The following TFRC variants were observed in gnomAD, a reference collection of about 807,000 sequenced individuals.
TFRC encodes transferrin receptor protein 1.
A neutral mutation model predicts 85.8 loss-of-function variants in TFRC; 35 were observed. The observed-to-expected ratio is 0.41, with a 90% confidence interval of 0.31 to 0.54. The LOEUF (loss-of-function observed/expected upper bound fraction) is 0.54. TFRC is among the 20% of genes least tolerant of loss of function. The probability of loss-of-function intolerance (pLI) is 0.31; values close to 1 mark genes in which losing one functional copy is unlikely to be tolerated. For synonymous variants in TFRC, 362 were observed against 328.6 expected (o/e 1.10, Z -1.10); for missense variants, 828 against 921.5 (o/e 0.90, Z 1.31).
chr3:196,055,021 C>A (rs1716651871), intron 17 of TFRC, 59 bp downstream of exon 17: 1 of 1,516,178 alleles, frequency 6.6e-7, no homozygotes, highest in Non-Finnish European at 9.1e-7. Context: ...AGGAACACAT[C>A]ACATTTCAAA....
At chr3:196,056,539 A>G (rs1370163135) in intron 16 of TFRC, among the ~76,000 whole-genome samples, 1 of 151,992 alleles carries the variant, frequency 6.6e-6, no homozygotes, top group African/African-American at 2.4e-5. Context: ...AGCTGGGATT[A>G]TAGGCATGTG....
chr3:196,053,404 A>G lies in TFRC; in HGVS notation c.2040+14T>C. The G allele has an allele frequency of 6.2e-7, 1 of 1,614,046 alleles. No homozygotes were observed. Among genetic ancestry groups the G allele is most frequent in the Non-Finnish European group, 8.5e-7 (1 of 1,179,926 alleles). ...CACATACTTTAGTTCCTCCTTTCCC[A>G]AAAGTTCACTTACTCTCATGACACG... On this transcript the variant is annotated intron_variant, in intron 18 of 18. Coordinates refer to ENST00000360110, the MANE Select transcript of TFRC (RefSeq NM_001128148.3).
chr3:196,055,203 C>T lies in TFRC; in HGVS notation c.1776G>A (p.Glu592=), dbSNP rs751145316. The stretch of plus-strand genomic sequence containing the variant: ...GTTTAATCACGAACTGACCAGCGAC[C>T]TCTGCAGCTGCTCGTGCCACTTTGT... The part of the protein sequence containing the change: ...ELNKVARAAA[E]VAGQFVIKLT... The change falls in exon 17 of 19, where the codon GAG becomes GAA. Residue 592 remains glutamate, a synonymous_variant. Transcript: ENST00000360110. 25 of 1,614,206 alleles carry T rather than the reference C, an allele frequency of 1.5e-5. No individual in the cohort carries two copies. Among genetic ancestry groups the T allele is most frequent in the Non-Finnish European group, 2.0e-5 (24 of 1,180,042 alleles).
intron 3 of TFRC, 89 bp from the exon 4 acceptor site, chr3:196,074,214 A>G (rs953802750): frequency 7.9e-7 from 1 of 1,268,260 alleles, no homozygotes. Context: ...TAAGCCTTGA[A>G]AATACTGGTT....
chr3:196,053,114 CAA>C (rs202084265), intron 18 of TFRC, among the ~76,000 whole-genome samples: 1 of 139,890 alleles, frequency 7.1e-6, no homozygotes, highest in Non-Finnish European at 1.5e-5. Flanking sequence ...AACTCTGTCT[CAA>C]AAAAAAAAAA....
intron 16 of TFRC, chr3:196,057,952 T>C (rs1229786596): frequency 1.1e-5 from 2 of 178,338 alleles, no homozygotes; most frequent in African/African-American, 4.7e-5. Context: ...GTTTTTTTTT[T>C]TCCTTTTTAC....
chr3:196,065,228 C>T (rs1717615086), intron 10 of TFRC, among the ~76,000 whole-genome samples: 1 of 151,008 alleles, frequency 6.6e-6, no homozygotes, highest in Non-Finnish European at 1.5e-5. Context: ...CACCACTGCA[C>T]TCCAGCCTGG....
intron 16 of TFRC, among the ~76,000 whole-genome samples, chr3:196,057,564 T>C (rs1716907738): frequency 6.6e-6 from 1 of 152,004 alleles, no homozygotes; most frequent in African/African-American, 2.4e-5. Context: ...AGCTACCACA[T>C]CCAGCACATG....
chr3:196,059,265 G>A (rs924111262), intron 14 of TFRC, among the ~76,000 whole-genome samples: 1 of 152,198 alleles, frequency 6.6e-6, no homozygotes, highest in East Asian at 1.9e-4. Context: ...AGTGAGCCAA[G>A]ATCGCACCAT....
intron 5 of TFRC, 107 bp from the exon 6 acceptor site, chr3:196,071,605 T>A: frequency 9.0e-7 from 1 of 1,116,772 alleles, no homozygotes; most frequent in Non-Finnish European, 1.3e-6. Context: ...AATTTACCTC[T>A]AAATCTTAAG....
Position 196,073,870 on chromosome 3 carries a change from G to A in TFRC, c.434+60C>T, listed in dbSNP as rs1027918777. 5.1e-5 allele frequency: 78 copies of A among 1,515,208 alleles called. No homozygotes were observed. The Admixed American group carries it at 5.4e-4, about 11-fold the overall frequency. The allele number at this position is 1,515,208 out of a possible 1,614,324, so 93.9% of individuals were successfully genotyped here. On this transcript the variant is annotated intron_variant, in intron 4 of 18. Transcript: ENST00000360110. ...ACAGTGTCACCATTATTGTTTCCCC[G>A]TGGCCTATCATAATTCTTGAATTAC...
intron 18 of TFRC, among the ~76,000 whole-genome samples, chr3:196,052,447 T>C (rs1446430512): frequency 6.6e-6 from 1 of 151,902 alleles, no homozygotes; most frequent in Non-Finnish European, 1.5e-5. Flanking sequence ...GCCCGGCTTT[T>C]TGTTGTTGTT....
chr3:196,074,147 GC>G lies in TFRC; in HGVS notation c.239-23del, dbSNP rs764879540. On this transcript the variant is annotated intron_variant, in intron 3 of 18. Coordinates refer to ENST00000360110, the MANE Select transcript of TFRC (RefSeq NM_001128148.3). ...AATCCTAAAGAGACAAAGTTCCAGA[GC>G]TGAACTCAGAATTTCATTTGTAATC... The G allele has an allele frequency of 1.9e-6, 3 of 1,586,698 alleles. No homozygotes were observed. In the African/African-American group the frequency reaches 4.1e-5, roughly 22 times the overall value.
intron 7 of TFRC, among the ~76,000 whole-genome samples, chr3:196,068,683 T>TCTGG (rs1025045547): frequency 1.5e-5 from 2 of 129,704 alleles, no homozygotes; most frequent in African/African-American, 5.9e-5. Flanking sequence ...ATCCCAGCAA[T>TCTGG]CTGGGAGGCC....
chr3:196,062,385 T>G (rs886289792), intron 13 of TFRC, 197 bp downstream of exon 13: 11 of 545,314 alleles, frequency 2.0e-5, no homozygotes, highest in Non-Finnish European at 3.6e-5. Flanking sequence ...TACAAAAAAT[T>G]AGCTGGGTGT....
At chr3:196,076,094 C>T (rs1718671052) in intron 2 of TFRC, among the ~76,000 whole-genome samples, 1 of 151,762 alleles carries the variant, frequency 6.6e-6, no homozygotes, top group Non-Finnish European at 1.5e-5. Context: ...GCTAAGATTG[C>T]ACACTGCATT....
At chr3:196,056,256 T>C (rs1434450992) in intron 16 of TFRC, among the ~76,000 whole-genome samples, 2 of 152,154 alleles carry the variant, frequency 1.3e-5, no homozygotes, top group Non-Finnish European at 2.9e-5. Context: ...GTCTCACTCC[T>C]GGCCTCAAGT....
At chr3:196,052,881 G>A (rs1716453555) in intron 18 of TFRC, among the ~76,000 whole-genome samples, 1 of 152,144 alleles carries the variant, frequency 6.6e-6, no homozygotes, top group Non-Finnish European at 1.5e-5. Flanking sequence ...GGGAGGCCAA[G>A]GCAGGTGGAT....
rs1421409188 is a variant in TFRC, at chr3:196,055,128, T to C, written c.1851A>G (p.Gln617=). ...LNLDYERYNS[Q]LLSFVRDLNQ... ...TCAGATCCCTCACAAATGAAAGCAG[T>C]TGGCTGTTGTACCTCTCATAGTCCA... The change falls in exon 17 of 19, where the codon CAA becomes CAG. Residue 617 remains glutamine, a synonymous_variant. Transcript: ENST00000360110. 3 of 1,614,226 alleles carry C rather than the reference T, an allele frequency of 1.9e-6. No homozygotes were observed. Among genetic ancestry groups the C allele is most frequent in the South Asian group, 1.1e-5 (1 of 91,090 alleles).
Sources: gnomAD v4.1 joint callset for allele counts (sites outside exome capture counted in the v4.1 genomes callset) on GRCh38, gnomAD v4.1.1 for gene constraint, MANE v1.5 for transcripts, NCBI Gene and HGNC (gene_info 2026-07-23, HGNC 2026-07-21) for gene names.